B3GALT1: variants seen among roughly 807,000 people sequenced by gnomAD.
The protein encoded by B3GALT1 is beta-1,3-galactosyltransferase 1.
B3GALT1 carries 10 observed loss-of-function variants against 23.2 expected under a neutral mutation model. The ratio of observed to expected loss-of-function variants is 0.43; its 90% CI spans 0.27 to 0.73. B3GALT1 has a LOEUF of 0.73. B3GALT1 is among the 30% of genes least tolerant of loss of function. The probability of loss-of-function intolerance (pLI) is 0.21; values close to 1 mark genes in which losing one functional copy is unlikely to be tolerated. For synonymous variants in B3GALT1, 156 were observed against 141.5 expected, an observed-to-expected ratio of 1.10 and a Z score of -0.73; for missense variants, 299 against 405.4, an observed-to-expected ratio of 0.74 and a Z score of 2.25.
intron 3 of B3GALT1, among the ~76,000 whole-genome samples, chr2:167,772,993 G>A (rs1688097925): frequency 6.6e-6 from 1 of 152,150 alleles, no homozygotes; most frequent in Non-Finnish European, 1.5e-5. Flanking sequence ...GCTTCATAAG[G>A]AAAGGAAAAT....
chr2:167,764,240 G>A (rs1250867167), intron 3 of B3GALT1, among the ~76,000 whole-genome samples: 3 of 152,108 alleles, frequency 2.0e-5, no homozygotes, highest in African/African-American at 7.2e-5. Flanking sequence ...ATGCACATTG[G>A]GTTACCAACA....
chr2:167,852,143 C>T (rs1689914727), intron 4 of B3GALT1, among the ~76,000 whole-genome samples: 1 of 152,076 alleles, frequency 6.6e-6, no homozygotes, highest in African/African-American at 2.4e-5. Flanking sequence ...TGAGTTGAAG[C>T]ATCTTGTTAG....
chr2:167,452,310 G>A (rs1274665210), intron 1 of B3GALT1, among the ~76,000 whole-genome samples: 1 of 152,144 alleles, frequency 6.6e-6, no homozygotes, highest in Non-Finnish European at 1.5e-5. Context: ...CCCTCCCCAA[G>A]GACCTCTGTG....
chr2:167,505,452 T>C (rs1699904827), intron 2 of B3GALT1, among the ~76,000 whole-genome samples: 1 of 152,178 alleles, frequency 6.6e-6, no homozygotes, highest in Non-Finnish European at 1.5e-5. Context: ...CTTCTTGATA[T>C]TAACACTCAC....
chr2:167,818,622 A>G (rs372187651), intron 3 of B3GALT1, among the ~76,000 whole-genome samples, 50 bp from the exon 4 acceptor site: 4 of 152,004 alleles, frequency 2.6e-5, no homozygotes, highest in Admixed American at 2.0e-4. Flanking sequence ...TCTGAACCCA[A>G]TTCATTTCCG....
Position 167,411,877 on chromosome 2 carries a change from A to T in B3GALT1, c.-510-78300A>T, listed in dbSNP as rs938498466. ...AGAATGGAATGTTATGCAGCCATAA[A>T]ACAAATGAAATACTGTCATTTGCAG... On this transcript the variant is annotated intron_variant, in intron 1 of 4. Coordinates refer to ENST00000392690, the MANE Select transcript of B3GALT1 (RefSeq NM_020981.4). Among the ~76,000 whole-genome samples the T allele has an allele frequency of 2.6e-5, 4 of 152,204 alleles. No individual in the cohort carries two copies. In the South Asian group the frequency reaches 8.3e-4, roughly 31 times the overall value.
chr2:167,443,079 A>C (rs948985810), intron 1 of B3GALT1, among the ~76,000 whole-genome samples: 3 of 152,046 alleles, frequency 2.0e-5, no homozygotes, highest in African/African-American at 7.3e-5. Flanking sequence ...ATCCAGTTTC[A>C]GCTTTCTACA....
chr2:167,605,974 T>C (rs13384540), intron 2 of B3GALT1, among the ~76,000 whole-genome samples: 2,606 of 152,298 alleles, frequency 0.017, 89 homozygotes, highest in African/African-American at 0.059. Context: ...GTGCATGTAT[T>C]AGGTCAATTG....
At chr2:167,706,206 C>T (rs1686964605) in intron 3 of B3GALT1, among the ~76,000 whole-genome samples, 1 of 152,168 alleles carries the variant, frequency 6.6e-6, no homozygotes, top group Admixed American at 6.5e-5. Context: ...CTTAGTCTTC[C>T]AGCTAGGAAA....
chr2:167,853,360 A>AT (rs1233853372), intron 4 of B3GALT1, among the ~76,000 whole-genome samples: 1 of 152,028 alleles, frequency 6.6e-6, no homozygotes, highest in African/African-American at 2.4e-5. Flanking sequence ...AGAGTTCTCT[A>AT]TTTTTTTAAT....
rs76246733 is a variant in B3GALT1 at position 167,795,706 on chromosome 2, C to T, written c.-351-22966C>T. On this transcript the variant is annotated intron_variant, in intron 3 of 4. Coordinates refer to ENST00000392690, the MANE Select transcript of B3GALT1 (RefSeq NM_020981.4). Reference sequence around the variant, plus strand: ...TGCTGGTTGGTTTTCTCATTTTTCACAGGAAACTGACTGTCCTACCACTGG... The same window carrying T: ...TGCTGGTTGGTTTTCTCATTTTTCATAGGAAACTGACTGTCCTACCACTGG... 2.3e-3 allele frequency among the ~76,000 whole-genome samples: 345 copies of T among 152,280 alleles called. 1 individual carries two copies. Among genetic ancestry groups the T allele is most frequent in the African/African-American group, 7.6e-3 (318 of 41,570 alleles).
chr2:167,719,411 G>A lies in B3GALT1; in HGVS notation c.-352+72445G>A, dbSNP rs140991385. ...GAGTAATAATAAATACTAAATGATT[G>A]TAAGTGCTCTTTTTGCACTAAAGTT... On this transcript the variant is annotated intron_variant, in intron 3 of 4. Coordinates refer to ENST00000392690, the MANE Select transcript of B3GALT1 (RefSeq NM_020981.4). Among the ~76,000 whole-genome samples the A allele has an allele frequency of 7.2e-3, 1,094 of 152,324 alleles. 12 individuals carry two copies. The highest frequency in any genetic ancestry group is 0.023 in the African/African-American group (951 of 41,576).
intron 1 of B3GALT1, among the ~76,000 whole-genome samples, chr2:167,337,627 T>A (rs939649224): frequency 1.3e-5 from 2 of 151,926 alleles, no homozygotes; most frequent in African/African-American, 2.4e-5. Context: ...TAGTTTCAAG[T>A]GTCTTTTCCT....
intron 3 of B3GALT1, among the ~76,000 whole-genome samples, chr2:167,701,069 C>CA (rs1165990840): frequency 6.6e-6 from 1 of 152,154 alleles, no homozygotes; most frequent in Non-Finnish European, 1.5e-5. Flanking sequence ...AAGAAAAGCA[C>CA]TATTTGTTGT....
intron 1 of B3GALT1, among the ~76,000 whole-genome samples, chr2:167,465,920 G>T (rs1052036715): frequency 6.6e-6 from 1 of 151,564 alleles, no homozygotes; most frequent in Non-Finnish European, 1.5e-5. Flanking sequence ...CCATCTCCAA[G>T]GGCCTTTCTC....
chr2:167,391,477 TG>T (rs1368980337), intron 1 of B3GALT1, among the ~76,000 whole-genome samples: 2 of 152,200 alleles, frequency 1.3e-5, no homozygotes, highest in African/African-American at 4.8e-5. Context: ...ATATGAATCA[TG>T]GGAATAACTG....
At chr2:167,513,628 G>A (rs1266582829) in intron 2 of B3GALT1, among the ~76,000 whole-genome samples, 1 of 152,104 alleles carries the variant, frequency 6.6e-6, no homozygotes. Flanking sequence ...AGTAAATAAA[G>A]TAAAATACAT....
At chr2:167,610,683 C>T (rs1685047848) in intron 2 of B3GALT1, among the ~76,000 whole-genome samples, 1 of 151,858 alleles carries the variant, frequency 6.6e-6, no homozygotes, top group South Asian at 2.1e-4. Flanking sequence ...TAAGTTTAAT[C>T]CTGGACCAAC....
chr2:167,543,727 A>G (rs532470450), intron 2 of B3GALT1, among the ~76,000 whole-genome samples: 1 of 152,318 alleles, frequency 6.6e-6, no homozygotes, highest in African/African-American at 2.4e-5. Flanking sequence ...GGAGTCAGGA[A>G]ACTGGAGCAC....
Sources: allele counts gnomAD v4.1 joint callset (sites outside exome capture counted in the v4.1 genomes callset), GRCh38; gene constraint gnomAD v4.1.1; transcripts MANE v1.5; gene names NCBI Gene and HGNC (gene_info 2026-07-23, HGNC 2026-07-21).